ITGA6: variants seen among roughly 807,000 people sequenced by gnomAD.
ITGA6 encodes the protein integrin alpha-6.
ITGA6 carries 63 observed loss-of-function variants against 133.6 expected under a neutral mutation model. The observed-to-expected ratio is 0.47, with a 90% confidence interval of 0.38 to 0.58. The LOEUF is 0.58. Among genes scored for constraint, ITGA6 ranks in the 20% least tolerant of loss-of-function variants. ITGA6 has a pLI of 0.00. For synonymous variants in ITGA6, 434 were observed against 482.0 expected (o/e 0.90, Z 1.30); for missense variants, 1,068 against 1,309.4 (o/e 0.82, Z 2.85).
rs1220412652 is a variant in ITGA6, at chr2:172,488,127, G to C, written c.2404G>C (p.Val802Leu). The part of the protein sequence containing the change: ...VIELLLSVSG[V>L]AKPSQVYFGG... ...AACTGGTGTTTTTTAATTTGACAGA[G>C]TTGCTAAACCTTCCCAGGTGTATTT... The change falls in exon 19 of 26, where the codon GTT becomes CTT. Residue 802 changes from valine (V) to leucine (L), a missense_variant and splice_region_variant. Val to Leu is a conservative substitution (Grantham distance 32). This residue lies in a region of ITGA6 where 609 missense variants were observed against 707.2 expected (regional missense o/e 0.86). Coordinates refer to ENST00000684293, the MANE Select transcript of ITGA6 (RefSeq NM_000210.4). The C allele has an allele frequency of 1.2e-6, 2 of 1,613,604 alleles. No individual in the cohort carries two copies. The highest frequency in any genetic ancestry group is 2.7e-5 in the African/African-American group (2 of 74,904).
chr2:172,435,854 C>G (rs1016965310), intron 1 of ITGA6, among the ~76,000 whole-genome samples: 4 of 151,978 alleles, frequency 2.6e-5, no homozygotes, highest in Non-Finnish European at 4.4e-5. Flanking sequence ...GTCTCGAACT[C>G]CTGGATTCAG....
In ITGA6 at chr2:172,505,667, G is replaced by T. The variant is rs1367705235; in HGVS notation, c.*1599G>T. 1 of 152,562 alleles carries T rather than the reference G, an allele frequency of 6.6e-6. No homozygotes were observed. The highest frequency in any genetic ancestry group is 1.9e-4 in the East Asian group (1 of 5,200). The allele number at this position is 152,562 out of a possible 1,614,324, so 9.5% of individuals were successfully genotyped here. On this transcript the variant is annotated 3_prime_UTR_variant, in exon 26 of 26. Transcript: ENST00000684293. Reference sequence around the variant, plus strand: ...CTAATTTGTTTTGGATATAGTATAAGCAGTGTCTGTGTTTTGAAAGAATAG... The same window carrying T: ...CTAATTTGTTTTGGATATAGTATAATCAGTGTCTGTGTTTTGAAAGAATAG...
intron 3 of ITGA6, 135 bp downstream of exon 3, chr2:172,467,695 AAAG>A: frequency 1.4e-6 from 1 of 724,396 alleles, no homozygotes; most frequent in Non-Finnish European, 2.4e-6. Flanking sequence ...TGGATGTCAA[AAAG>A]AAATCAGACT....
At chr2:172,471,743 A>G (rs1685947828) in intron 5 of ITGA6, among the ~76,000 whole-genome samples, 1 of 152,198 alleles carries the variant, frequency 6.6e-6, no homozygotes, top group Admixed American at 6.5e-5. Context: ...TGCATGACTA[A>G]TGGGTGTCCT....
At chr2:172,477,233 C>A (rs1297435082) in intron 9 of ITGA6, among the ~76,000 whole-genome samples, 4 of 152,040 alleles carry the variant, frequency 2.6e-5, no homozygotes, top group African/African-American at 7.3e-5. Context: ...ACTTTTGATT[C>A]GGTTTCGCCA....
intron 1 of ITGA6, among the ~76,000 whole-genome samples, chr2:172,451,017 T>TG (rs1021044331): frequency 3.3e-5 from 5 of 149,436 alleles, no homozygotes; most frequent in Non-Finnish European, 7.4e-5. Context: ...TAGCTGGACG[T>TG]GGGGGCACAT....
At chr2:172,467,702 T>A in intron 3 of ITGA6, 142 bp downstream of exon 3, 1 of 706,172 alleles carries the variant, frequency 1.4e-6, no homozygotes, top group Non-Finnish European at 2.5e-6. Context: ...CAAAAAGAAA[T>A]CAGACTGGGC....
upstream of ITGA6, chr2:172,427,389 T>G: frequency 9.8e-7 from 1 of 1,016,062 alleles, no homozygotes; most frequent in Non-Finnish European, 1.2e-6. Flanking sequence ...GTGGGGCTGC[T>G]TCGCCGCGAG....
rs564057341 is a variant in ITGA6, at chr2:172,489,896, G to A, written c.2679+238G>A. On this transcript the variant is annotated intron_variant, in intron 20 of 25. Coordinates refer to ENST00000684293, the MANE Select transcript of ITGA6 (RefSeq NM_000210.4). ...CATTCAGTGCTTGCTGAGGCAAATGGTATTTTCTGATGTTTCATCATGACC... is the reference window on the plus strand; with the variant it reads ...CATTCAGTGCTTGCTGAGGCAAATGATATTTTCTGATGTTTCATCATGACC... 3.7e-4 allele frequency: 173 copies of A among 467,448 alleles called. No homozygotes were observed. In the Middle Eastern group the frequency reaches 9.4e-3, roughly 25 times the overall value. The allele number at this position is 467,448 out of a possible 1,614,324, so 29.0% of individuals were successfully genotyped here. A position where few individuals can be genotyped will look rare whatever the true frequency, so the allele number is the denominator to read the frequency against.
In ITGA6 at chr2:172,459,721, A is replaced by G. The variant is rs1213725774; in HGVS notation, c.183-5818A>G. ...TTTACCTGTCATATGCTATTAGGACAGTATTTAAGAAAGTAATTCAAACAA... is the reference window on the plus strand; with the variant it reads ...TTTACCTGTCATATGCTATTAGGACGGTATTTAAGAAAGTAATTCAAACAA... On this transcript the variant is annotated intron_variant, in intron 1 of 25. Transcript: ENST00000684293. 2.6e-5 allele frequency among the ~76,000 whole-genome samples: 4 copies of G among 152,248 alleles called. No homozygotes were observed. In the East Asian group the frequency reaches 7.7e-4, roughly 29 times the overall value.
intron 5 of ITGA6, among the ~76,000 whole-genome samples, chr2:172,471,395 A>G (rs1398981190): frequency 6.6e-6 from 1 of 152,208 alleles, no homozygotes; most frequent in African/African-American, 2.4e-5. Flanking sequence ...AGCTAATGGC[A>G]GCCTCCGTAA....
At chr2:172,460,294 A>C (rs943594372) in intron 1 of ITGA6, among the ~76,000 whole-genome samples, 2 of 152,244 alleles carry the variant, frequency 1.3e-5, no homozygotes, top group Admixed American at 6.5e-5. Context: ...ATAGCAAGAC[A>C]TGGAGAAACT....
At chr2:172,489,847 C>A (rs538519906) in intron 20 of ITGA6, 189 bp downstream of exon 20, 2 of 587,554 alleles carry the variant, frequency 3.4e-6, no homozygotes, top group South Asian at 1.9e-5. Flanking sequence ...TGGTTAATGA[C>A]CATTATAGTA....
intron 1 of ITGA6, among the ~76,000 whole-genome samples, chr2:172,445,767 A>C (rs1684744356): frequency 6.6e-6 from 1 of 151,796 alleles, no homozygotes; most frequent in African/African-American, 2.4e-5. Context: ...AGGTGTTGGG[A>C]CCCAGGACTT....
Position 172,487,100 on chromosome 2 carries a change from C to T in ITGA6, c.1932C>T (p.Thr644=), listed in dbSNP as rs371882767. The change falls in exon 14 of 26, where the codon ACC becomes ACT. Residue 644 remains threonine (T), a synonymous_variant. Coordinates refer to ENST00000684293, the MANE Select transcript of ITGA6 (RefSeq NM_000210.4). ...TTAAACTAGAATATAAATTTTGCAC[C>T]CGAGAAGGAAATCAAGACAAATTTT... The part of the protein sequence containing the change: ...SNLKLEYKFC[T]REGNQDKFSY... 7.8e-5 allele frequency: 125 copies of T among 1,611,278 alleles called. No homozygotes were observed. Among genetic ancestry groups the T allele is most frequent in the Non-Finnish European group, 1.1e-4 (125 of 1,177,824 alleles).
At chr2:172,456,250 G>C (rs1685203317) in intron 1 of ITGA6, among the ~76,000 whole-genome samples, 1 of 152,248 alleles carries the variant, frequency 6.6e-6, no homozygotes, top group Non-Finnish European at 1.5e-5. Flanking sequence ...GCTTTGACCA[G>C]ATGAGCTTAC....
upstream of ITGA6, chr2:172,427,582 G>T (rs1048136371): frequency 1.7e-5 from 21 of 1,256,278 alleles, no homozygotes; most frequent in Middle Eastern, 3.1e-4. Flanking sequence ...AGTCTCCAGA[G>T]AACAACGGGC....
chr2:172,462,506 T>A (rs556751074), intron 1 of ITGA6, among the ~76,000 whole-genome samples: 2 of 152,218 alleles, frequency 1.3e-5, no homozygotes, highest in Non-Finnish European at 2.9e-5. Flanking sequence ...TCTGCTGTCA[T>A]CTGCAGTAGC....
Position 172,491,075 on chromosome 2 carries a change from G to A in ITGA6, c.2731G>A (p.Asp911Asn). The change falls in exon 21 of 26, where the codon GAT (aspartate) becomes AAT (asparagine). Residue 911 changes from aspartate to asparagine, a missense_variant. By Grantham distance (23) the Asp-to-Asn change is conservative. Around this residue, in one of 3 missense-constraint regions of ITGA6, gnomAD observed 609 missense variants for 707.2 expected, o/e 0.86. Transcript: ENST00000684293. The surrounding 1 kb of genome is among the most constrained non-coding windows in gnomAD (Gnocchi z 4.4). Reference protein sequence around the residue: ...KREITEKQIDDNRKFSLFAER... With the variant: ...KREITEKQIDNNRKFSLFAER... ...GGAAATTACTGAAAAACAGATAGAT[G>A]ATAACAGAAAATTTTCTTTATTTGC... The A allele has an allele frequency of 6.3e-7, 1 of 1,595,232 alleles. No individual in the cohort carries two copies. The highest frequency in any genetic ancestry group is 8.6e-7 in the Non-Finnish European group (1 of 1,163,082).
Sources: allele counts gnomAD v4.1 joint callset (sites outside exome capture counted in the v4.1 genomes callset), GRCh38; gene constraint gnomAD v4.1.1; regional missense constraint gnomAD v4.1.1; non-coding constraint Gnocchi (gnomAD v3.1); transcripts MANE v1.5; gene names NCBI Gene and HGNC (gene_info 2026-07-23, HGNC 2026-07-21).